The following PAPSS2 variants were observed in gnomAD, a reference collection of about 807,000 sequenced individuals.
PAPSS2 encodes the protein bifunctional 3'-phosphoadenosine 5'-phosphosulfate synthase 2.
In PAPSS2, 61 loss-of-function variants were observed where a neutral mutation model predicts 66.5. That is an observed-to-expected ratio of 0.92 (90% CI 0.75 to 1.14). The LOEUF is 1.14. Ranked by LOEUF, PAPSS2 falls within the 50% of genes most tolerant of loss-of-function variation. The pLI is 0.00. For synonymous variants in PAPSS2, 289 were observed against 287.5 expected (o/e 1.01, Z -0.05); for missense variants, 708 against 789.6 (o/e 0.90, Z 1.24).
intron 1 of PAPSS2, among the ~76,000 whole-genome samples, chr10:87,700,660 A>T (rs1228626226): frequency 6.7e-6 from 1 of 150,306 alleles, no homozygotes; most frequent in Non-Finnish European, 1.5e-5. Flanking sequence ...CCTGTCTCAA[A>T]AAAAAAAAAA....
At chr10:87,719,948 C>A (rs1057281296) in intron 7 of PAPSS2, among the ~76,000 whole-genome samples, 3 of 152,000 alleles carry the variant, frequency 2.0e-5, no homozygotes, top group Non-Finnish European at 2.9e-5. Context: ...TGCAGTGGCG[C>A]GATCTCTGCT....
chr10:87,712,919 A>G (rs920494262), intron 2 of PAPSS2, among the ~76,000 whole-genome samples, 156 bp from the exon 3 acceptor site: 3 of 151,856 alleles, frequency 2.0e-5, no homozygotes, highest in African/African-American at 7.3e-5. Flanking sequence ...TTTGAGAGAA[A>G]TGTAAGTACT....
intron 1 of PAPSS2, chr10:87,704,053 C>A: frequency 2.0e-6 from 1 of 494,728 alleles, no homozygotes; most frequent in East Asian, 5.6e-5. Flanking sequence ...AAGTTTTTGG[C>A]CACTCTGCCC....
rs74145931 is a variant in PAPSS2 at position 87,675,523 on chromosome 10, G to C, written c.27+15515G>C. Among the ~76,000 whole-genome samples the C allele has an allele frequency of 7.8e-3, 1,194 of 152,202 alleles. 14 individuals are homozygous for C. Among genetic ancestry groups the C allele is most frequent in the African/African-American group, 0.027 (1,108 of 41,522 alleles). On this transcript the variant is annotated intron_variant, in intron 1 of 12. Coordinates refer to ENST00000456849, the MANE Select transcript of PAPSS2 (RefSeq NM_001015880.2). ...AAGCACATTTATTATTCATGTATAG[G>C]GGGGCCAAGTTTCATCTGAGAATGT...
chr10:87,666,035 C>T (rs1852812434), intron 1 of PAPSS2, among the ~76,000 whole-genome samples: 1 of 149,982 alleles, frequency 6.7e-6, no homozygotes, highest in South Asian at 2.1e-4. Flanking sequence ...GTGATCTTGG[C>T]TCATTGCAAC....
chr10:87,732,390 G>T (rs1853740593), intron 9 of PAPSS2, among the ~76,000 whole-genome samples: 1 of 152,022 alleles, frequency 6.6e-6, no homozygotes, highest in Non-Finnish European at 1.5e-5. Flanking sequence ...GGGCATAGTG[G>T]TGCACACCTG....
In PAPSS2 at chr10:87,745,098, G is replaced by T. The variant is rs1853920229; in HGVS notation, c.1588G>T (p.Asp530Tyr). 6.2e-7 allele frequency: 1 copy of T among 1,614,166 alleles called. No homozygotes were observed. Among genetic ancestry groups the T allele is most frequent in the East Asian group, 2.2e-5 (1 of 44,874 alleles). ...AGMPHPETKK[D>Y]LYEPTHGGKV... ...AATGCCCCATCCTGAAACCAAGAAG[G>T]ATCTGTATGAACCCACTCATGGGGG... Residue 530 changes from aspartate (D) to tyrosine (Y), a missense_variant, in exon 12 of 13, where the codon GAT becomes TAT. Physicochemically the swap from Asp to Tyr is radical, Grantham distance 160. Transcript: ENST00000456849.
intron 1 of PAPSS2, among the ~76,000 whole-genome samples, chr10:87,681,646 T>G (rs1853022943): frequency 6.6e-6 from 1 of 152,182 alleles, no homozygotes; most frequent in Admixed American, 6.5e-5. Flanking sequence ...CACACTCTAA[T>G]TTTAGAACAT....
At chr10:87,714,701 T>G in intron 4 of PAPSS2, 44 bp from the exon 5 acceptor site, 1 of 1,082,588 alleles carries the variant, frequency 9.2e-7, no homozygotes, top group Middle Eastern at 2.2e-4. Context: ...AAAAGATTAT[T>G]CTGTCAATAC....
chr10:87,714,595 G>T, intron 4 of PAPSS2, 150 bp from the exon 5 acceptor site: 1 of 672,092 alleles, frequency 1.5e-6, no homozygotes, highest in Non-Finnish European at 2.7e-6. Flanking sequence ...TCTTACTTAT[G>T]GCTAGAAGTC....
chr10:87,745,382 T>G (rs1440849792), intron 12 of PAPSS2, 151 bp downstream of exon 12: 1 of 680,290 alleles, frequency 1.5e-6, no homozygotes, highest in Non-Finnish European at 2.6e-6. Flanking sequence ...TCTTATAAAT[T>G]TTATGTCCCC....
chr10:87,692,985 A>G (rs1398826233), intron 1 of PAPSS2, among the ~76,000 whole-genome samples: 2 of 152,224 alleles, frequency 1.3e-5, no homozygotes, highest in Non-Finnish European at 2.9e-5. Flanking sequence ...CTGTTTGAAT[A>G]TAATGGTGAG....
At chr10:87,721,256 G>A (rs1853596569) in intron 7 of PAPSS2, among the ~76,000 whole-genome samples, 1 of 152,214 alleles carries the variant, frequency 6.6e-6, no homozygotes, top group Non-Finnish European at 1.5e-5. Flanking sequence ...TGGATCTAAT[G>A]TTGGTGCTTG....
chr10:87,660,109 G>C, intron 1 of PAPSS2, 101 bp downstream of exon 1: 2 of 1,240,092 alleles, frequency 1.6e-6, no homozygotes, highest in Non-Finnish European at 2.3e-6. Context: ...TCCCCGGGAG[G>C]GGGCGTCGGG....
In PAPSS2 at chr10:87,741,496, G is replaced by C. The variant is rs1220925512; in HGVS notation, c.1222+126G>C. 8.8e-6 allele frequency: 7 copies of C among 793,904 alleles called. No individual in the cohort carries two copies. The African/African-American group carries it at 1.2e-4, about 14-fold the overall frequency. 49.2% of individuals were successfully genotyped at this position (793,904 alleles called of 1,614,324 possible). A position where few individuals can be genotyped will look rare whatever the true frequency, so the allele number is the denominator to read the frequency against. On this transcript the variant is annotated intron_variant, in intron 10 of 12. Transcript: ENST00000456849. ...TGCAACCTCTGCCTCCCAGGTTCAA[G>C]TAATTCTCCTGCCTCAGCCTCCTGA... is the stretch of plus-strand genomic sequence containing the variant.
rs749575711 is a variant in PAPSS2, at chr10:87,743,488, A to G, written c.1338A>G (p.Leu446=). The change falls in exon 11 of 13, where the codon CTA becomes CTG. Residue 446 remains leucine (L), a synonymous_variant. Coordinates refer to ENST00000456849, the MANE Select transcript of PAPSS2 (RefSeq NM_001015880.2). ...ERGYKHPVLL[L]HPLGGWTKDD... ...GCTACAAGCACCCGGTCCTCCTACT[A>G]CACCCTCTGGGCGGCTGGACCAAGG... 1.2e-5 allele frequency: 19 copies of G among 1,613,912 alleles called. No homozygotes were observed. The highest frequency in any genetic ancestry group is 1.5e-5 in the Non-Finnish European group (18 of 1,179,994).
intron 9 of PAPSS2, 104 bp from the exon 10 acceptor site, chr10:87,741,131 C>T (rs926557252): frequency 2.6e-6 from 3 of 1,138,946 alleles, no homozygotes; most frequent in African/African-American, 3.1e-5. Flanking sequence ...GAACTGAAGG[C>T]AGTTCTTTAA....
intron 9 of PAPSS2, among the ~76,000 whole-genome samples, chr10:87,728,829 T>C (rs1343544122): frequency 4.6e-5 from 7 of 152,368 alleles, no homozygotes; most frequent in African/African-American, 1.7e-4. Context: ...CTTTTGGTCT[T>C]CATTTTTGTT....
At chr10:87,693,045 A>C (rs1450369585) in intron 1 of PAPSS2, among the ~76,000 whole-genome samples, 1 of 152,218 alleles carries the variant, frequency 6.6e-6, no homozygotes, top group Admixed American at 6.5e-5. Flanking sequence ...TAATAATGAC[A>C]GTAAGTCTCT....
Sources: gnomAD v4.1 joint callset for allele counts (sites outside exome capture counted in the v4.1 genomes callset) on GRCh38, gnomAD v4.1.1 for gene constraint, MANE v1.5 for transcripts, NCBI Gene and HGNC (gene_info 2026-07-23, HGNC 2026-07-21) for gene names.